MCAM: variants seen among roughly 807,000 people sequenced by gnomAD.
MCAM encodes the protein melanoma cell adhesion molecule.
Under a neutral mutation model 79.1 loss-of-function variants are expected in MCAM, and 55 were observed. That is an observed-to-expected ratio of 0.70 (90% confidence interval 0.56 to 0.87). The LOEUF (loss-of-function observed/expected upper bound fraction) is 0.87. MCAM is among the 40% of genes least tolerant of loss of function. MCAM has a pLI of 0.00. For missense variants in MCAM, 745 were observed against 839.8 expected, an observed-to-expected ratio of 0.89 and a Z score of 1.40; for synonymous variants, 330 against 339.8, an observed-to-expected ratio of 0.97 and a Z score of 0.32.
rs778430816 is a variant in MCAM at position 119,315,030 on chromosome 11, T to C, written c.203A>G (p.Glu68Gly). The change falls in exon 3 of 16, where the codon GAG becomes GGG. Residue 68 changes from glutamate to glycine, a missense_variant. Physicochemically the swap from Glu to Gly is moderately conservative, Grantham distance 98. Coordinates refer to ENST00000264036, the MANE Select transcript of MCAM (RefSeq NM_006500.3). The surrounding 1 kb of genome is among the most constrained non-coding windows in gnomAD (Gnocchi z 4.4). ...SHVDWFSVHK[E>G]KRTLIFRVRQ... is the part of the protein sequence containing the mutation. ...CACACGGAAGATGAGCGTCCGCTTCTCCTTGTGGACCTAATGGGAGGAGAC... is the reference window on the plus strand; with the variant it reads ...CACACGGAAGATGAGCGTCCGCTTCCCCTTGTGGACCTAATGGGAGGAGAC... 2 of 1,608,428 alleles carry C rather than the reference T, an allele frequency of 1.2e-6. No homozygotes were observed. Among genetic ancestry groups the C allele is most frequent in the Admixed American group, 3.3e-5 (2 of 60,022 alleles).
chr11:119,314,414 C>T (rs754710683), intron 5 of MCAM, 75 bp downstream of exon 5: 1 of 1,379,240 alleles, frequency 7.3e-7, no homozygotes, highest in South Asian at 1.2e-5. Context: ...CCTTGGCCTC[C>T]CAAAGCACCG....
Position 119,312,352 on chromosome 11 carries a change from T to A in MCAM, c.938A>T (p.Glu313Val). 1.2e-6 allele frequency: 2 copies of A among 1,614,062 alleles called. No homozygotes were observed. Among genetic ancestry groups the A allele is most frequent in the Non-Finnish European group, 1.7e-6 (2 of 1,180,010 alleles). ...CTGACATTCATAGCGCCCACTGTGT[T>A]CCTTCCGGGCAGGCTCCAGCACCAG... Reference protein sequence around the residue: ...GVLVLEPARKEHSGRYECQGL... With the variant: ...GVLVLEPARKVHSGRYECQGL... The change falls in exon 8 of 16, where the codon GAA becomes GTA. Residue 313 changes from glutamate (E) to valine (V), a missense_variant. By Grantham distance (121) the Glu-to-Val change is moderately radical. Transcript: ENST00000264036. The surrounding 1 kb of genome is among the most constrained non-coding windows in gnomAD (Gnocchi z 4.9).
chr11:119,313,784 C>T (rs938311313), intron 5 of MCAM: 1 of 188,886 alleles, frequency 5.3e-6, no homozygotes, highest in African/African-American at 2.4e-5. Flanking sequence ...GGTCTCTCTA[C>T]CTACTAGATG....
rs1296405424 is a variant in MCAM at position 119,309,012 on chromosome 11, C to G, written c.*874G>C. On this transcript the variant is annotated 3_prime_UTR_variant, in exon 16 of 16. Transcript: ENST00000264036. The stretch of plus-strand genomic sequence containing the variant: ...CTCGAGACGGAGTCTCGCTGTGTTG[C>G]CCAGGCTGGAGTGCAGTGGCACGGT... 1.3e-5 allele frequency: 2 copies of G among 152,206 alleles called. No individual in the cohort carries two copies. The highest frequency in any genetic ancestry group is 2.9e-5 in the Non-Finnish European group (2 of 68,048). The allele number at this position is 152,206 out of a possible 1,614,324, so 9.4% of individuals were successfully genotyped here. A position where few individuals can be genotyped will look rare whatever the true frequency, so the allele number is the denominator to read the frequency against.
In MCAM at chr11:119,315,118, T is replaced by C. The variant is rs763881592; in HGVS notation, c.192+21A>G. On this transcript the variant is annotated intron_variant, in intron 2 of 15. Transcript: ENST00000264036. This position sits in a 1 kb window ranked among gnomAD's most constrained non-coding sequence, Gnocchi z 4.4. Reference sequence around the variant, plus strand: ...AGAGTCTCCCTCCCCGGGCTGCTCTTGCAGGAGCCCAAGCACTCACAGAAA... The same window carrying C: ...AGAGTCTCCCTCCCCGGGCTGCTCTCGCAGGAGCCCAAGCACTCACAGAAA... 5 of 1,613,170 alleles carry C rather than the reference T, an allele frequency of 3.1e-6. No homozygotes were observed. Among genetic ancestry groups the C allele is most frequent in the Non-Finnish European group, 4.2e-6 (5 of 1,179,980 alleles).
rs1479935934 is a variant in MCAM at position 119,308,624 on chromosome 11, C to T, written c.*1262G>A. On this transcript the variant is annotated 3_prime_UTR_variant, in exon 16 of 16. Coordinates refer to ENST00000264036, the MANE Select transcript of MCAM (RefSeq NM_006500.3). ...AAAGGAAACAATTTGCAAATTTACA[C>T]ACCTGACAAAACCATATATACACAC... The T allele has an allele frequency of 1.3e-5, 2 of 151,690 alleles. No individual in the cohort carries two copies. The highest frequency in any genetic ancestry group is 3.9e-4 in the East Asian group (2 of 5,186). 9.4% of individuals were successfully genotyped at this position (151,690 alleles called of 1,614,324 possible). A position where few individuals can be genotyped will look rare whatever the true frequency, so the allele number is the denominator to read the frequency against.
In MCAM at chr11:119,309,904, G is replaced by A. The variant is rs757298056; in HGVS notation, c.1923C>T (p.Tyr641=). 6 of 1,601,644 alleles carry A rather than the reference G, an allele frequency of 3.7e-6. No individual in the cohort carries two copies. In the East Asian group the frequency reaches 1.1e-4, roughly 30 times the overall value. ...KRAPGDQGEK[Y]IDLRH ...TTCGGGGCTAATGCCTCAGATCGAT[G>A]TATTTCTCTCCCTAAAAGTGGGTAG... The change falls in exon 16 of 16, where the codon TAC becomes TAT. Residue 641 remains tyrosine (Y), a synonymous_variant. Transcript: ENST00000264036.
Position 119,317,108 on chromosome 11 carries a change from C to G in MCAM, c.-7G>C. 1 of 1,521,016 alleles carries G rather than the reference C, an allele frequency of 6.6e-7. No homozygotes were observed. Among genetic ancestry groups the G allele is most frequent in the Non-Finnish European group, 8.8e-7 (1 of 1,138,546 alleles). 94.2% of individuals were successfully genotyped at this position (1,521,016 alleles called of 1,614,324 possible). On this transcript the variant is annotated 5_prime_UTR_variant, in exon 1 of 16. Coordinates refer to ENST00000264036, the MANE Select transcript of MCAM (RefSeq NM_006500.3). This position sits in a 1 kb window ranked among gnomAD's most constrained non-coding sequence, Gnocchi z 6.2. Reference sequence around the variant, plus strand: ...CCAGCCTGGGAAGCCCCATGCTTCCCGGCCGGAGGGCGAGAGCCAAGTGAG... The same window carrying G: ...CCAGCCTGGGAAGCCCCATGCTTCCGGGCCGGAGGGCGAGAGCCAAGTGAG...
chr11:119,308,771 G>A lies in MCAM; in HGVS notation c.*1115C>T, dbSNP rs535494278. ...AGGGTTGGGGCCCTGAGCTTGGTTT[G>A]TAGAAGTTTGGTGCTAATATAACCA... On this transcript the variant is annotated 3_prime_UTR_variant, in exon 16 of 16. Coordinates refer to ENST00000264036, the MANE Select transcript of MCAM (RefSeq NM_006500.3). The A allele has an allele frequency of 1.4e-4, 22 of 152,162 alleles. No individual in the cohort carries two copies. Among genetic ancestry groups the A allele is most frequent in the Non-Finnish European group, 2.5e-4 (17 of 68,000 alleles). The allele number at this position is 152,162 out of a possible 1,614,324, so 9.4% of individuals were successfully genotyped here.
rs1439365054 is a variant in MCAM, at chr11:119,314,256, T to C, written c.559+233A>G. Reference sequence around the variant, plus strand: ...CTGCAGCCTTCATTTCCTGGGCTCATATGATCCTCCTGCCTCAGCCTCCCA... The same window carrying C: ...CTGCAGCCTTCATTTCCTGGGCTCACATGATCCTCCTGCCTCAGCCTCCCA... On this transcript the variant is annotated intron_variant, in intron 5 of 15. Transcript: ENST00000264036. The C allele has an allele frequency of 1.5e-5, 8 of 525,952 alleles. 1 individual carries two copies. Among genetic ancestry groups the C allele is most frequent in the South Asian group, 1.2e-4 (6 of 48,596 alleles). 32.6% of individuals were successfully genotyped at this position (525,952 alleles called of 1,614,324 possible).
At chr11:119,314,788 T>A in intron 3 of MCAM, 39 bp from the exon 4 acceptor site, 1 of 1,613,310 alleles carries the variant, frequency 6.2e-7, no homozygotes, top group Non-Finnish European at 8.5e-7. Flanking sequence ...TCTGGCCACG[T>A]CCCACCACCC....
At chr11:119,310,274 G>A in intron 15 of MCAM, 75 bp downstream of exon 15, 2 of 973,474 alleles carry the variant, frequency 2.1e-6, no homozygotes, top group Non-Finnish European at 3.3e-6. Flanking sequence ...ATGAAGGATA[G>A]AGAGAACCGT....
intron 15 of MCAM, 191 bp from the exon 16 acceptor site, chr11:119,310,106 C>G: frequency 1.6e-6 from 1 of 636,100 alleles, no homozygotes. Context: ...GTGAAATGGC[C>G]ACACCCAGAG....
chr11:119,314,281 A>G, intron 5 of MCAM: 1 of 556,392 alleles, frequency 1.8e-6, no homozygotes, highest in Middle Eastern at 5.1e-4. Flanking sequence ...TCAGCCTCCC[A>G]AGTATCTGGG....
chr11:119,316,901 G>T lies in MCAM; in HGVS notation c.67+134C>A. 1.4e-6 allele frequency: 1 copy of T among 699,630 alleles called. No homozygotes were observed. Among genetic ancestry groups the T allele is most frequent in the African/African-American group, 1.9e-5 (1 of 52,354 alleles). 43.3% of individuals were successfully genotyped at this position (699,630 alleles called of 1,614,324 possible). ...GTTGCTCGCGCGCAAGGCGCCCGGG[G>T]ATCGGGGACCCAGGGAGGAGGCTCG... On this transcript the variant is annotated intron_variant, in intron 1 of 15. Transcript: ENST00000264036. The surrounding 1 kb of genome is among the most constrained non-coding windows in gnomAD (Gnocchi z 4.8).
In MCAM at chr11:119,311,656, G is replaced by A; in HGVS notation, c.1286-5C>T. The A allele has an allele frequency of 6.2e-7, 1 of 1,613,926 alleles. No homozygotes were observed. On this transcript the variant is annotated splice_region_variant and splice_polypyrimidine_tract_variant and intron_variant, in intron 10 of 15. Transcript: ENST00000264036. This position sits in a 1 kb window ranked among gnomAD's most constrained non-coding sequence, Gnocchi z 4.4. ...TGAATGCCATCCAAGGGGGGCCTTGGGGAGGTAGGGAGAGGTGAGGTGGCA... is the reference window on the plus strand; with the variant it reads ...TGAATGCCATCCAAGGGGGGCCTTGAGGAGGTAGGGAGAGGTGAGGTGGCA...
chr11:119,314,903 G>A lies in MCAM; in HGVS notation c.330C>T (p.Asp110=), dbSNP rs770425833. 13 of 1,613,276 alleles carry A rather than the reference G, an allele frequency of 8.1e-6. No individual in the cohort carries two copies. The highest frequency in any genetic ancestry group is 2.2e-5 in the South Asian group (2 of 91,086). The change falls in exon 3 of 16, where the codon GAC becomes GAT. Residue 110 remains aspartate (D), a synonymous_variant. Transcript: ENST00000264036. ...TLALTQVTPQ[D]ERIFLCQGKR... ...TGCCCTGGCACAAGAAGATGCGCTC[G>A]TCTTGGGGGGTGACTTGAGTCAGGG...
rs772344061 is a variant in MCAM at position 119,310,745 on chromosome 11, G to A, written c.1793+11C>T. The A allele has an allele frequency of 3.1e-6, 5 of 1,613,230 alleles. No individual in the cohort carries two copies. The highest frequency in any genetic ancestry group is 3.4e-6 in the Non-Finnish European group (4 of 1,179,636). ...AACGGGCGGGGGCGGAGGGGCCGGT[G>A]TTGGGCTTACATCTCCTGCTTCCCT... On this transcript the variant is annotated intron_variant, in intron 14 of 15. Transcript: ENST00000264036.
Position 119,316,998 on chromosome 11 carries a change from C to A in MCAM, c.67+37G>T. 1 of 1,512,234 alleles carries A rather than the reference C, an allele frequency of 6.6e-7. No individual in the cohort carries two copies. Among genetic ancestry groups the A allele is most frequent in the Non-Finnish European group, 8.9e-7 (1 of 1,129,676 alleles). The allele number at this position is 1,512,234 out of a possible 1,614,324, so 93.7% of individuals were successfully genotyped here. A position where few individuals can be genotyped will look rare whatever the true frequency, so the allele number is the denominator to read the frequency against. On this transcript the variant is annotated intron_variant, in intron 1 of 15. Coordinates refer to ENST00000264036, the MANE Select transcript of MCAM (RefSeq NM_006500.3). This position sits in a 1 kb window ranked among gnomAD's most constrained non-coding sequence, Gnocchi z 4.8. ...TCCCTGGCACGCTCCACCGCAGACCCCTAGCCGGGGCGCGGCCCCCCTGCG... is the reference window on the plus strand; with the variant it reads ...TCCCTGGCACGCTCCACCGCAGACCACTAGCCGGGGCGCGGCCCCCCTGCG...
Sources: gnomAD v4.1 joint callset for allele counts on GRCh38, gnomAD v4.1.1 for gene constraint, Gnocchi (gnomAD v3.1) non-coding constraint, MANE v1.5 for transcripts, NCBI Gene and HGNC (gene_info 2026-07-23, HGNC 2026-07-21) for gene names.